Variants in KAZN observed in about 807,000 individuals in gnomAD.
KAZN encodes kazrin, periplakin interacting protein.
Under a neutral mutation model 87.4 loss-of-function variants are expected in KAZN, and 40 were observed. That is an observed-to-expected ratio of 0.46 (90% CI 0.36 to 0.60). KAZN has a LOEUF of 0.60. KAZN is among the 20% of genes least tolerant of loss of function. The probability of loss-of-function intolerance (pLI) is 0.00; values close to 1 mark genes in which losing one functional copy is unlikely to be tolerated. For missense variants in KAZN, 898 were observed against 1,073.9 expected (o/e 0.84, Z 2.29); for synonymous variants, 466 against 458.3 (o/e 1.02, Z -0.22).
At chr1:14,693,644 G>A (rs1346406819) in intron 1 of KAZN, among the ~76,000 whole-genome samples, 2 of 152,194 alleles carry the variant, frequency 1.3e-5, no homozygotes, top group East Asian at 1.9e-4. Flanking sequence ...GGATGAGTGT[G>A]TGTTGTGCGT....
At chr1:14,665,291 CT>C (rs36089759) in intron 1 of KAZN, among the ~76,000 whole-genome samples, 1,546 of 147,742 alleles carry the variant, frequency 0.01, 28 homozygotes, top group African/African-American at 0.035. Flanking sequence ...GTGGCTGCCT[CT>C]TTTTTTTTTT....
intron 1 of KAZN, among the ~76,000 whole-genome samples, chr1:13,910,570 G>A (rs1639616883): frequency 1.3e-5 from 2 of 151,728 alleles, no homozygotes; most frequent in Non-Finnish European, 2.9e-5. Flanking sequence ...TAAAGTTCCT[G>A]GCTCCCCATT....
intron 1 of KAZN, among the ~76,000 whole-genome samples, chr1:14,764,284 C>G (rs1430573194): frequency 6.6e-6 from 1 of 151,906 alleles, no homozygotes; most frequent in Non-Finnish European, 1.5e-5. Context: ...TGAATCCTTA[C>G]TTCTTCAGGT....
intron 1 of KAZN, among the ~76,000 whole-genome samples, chr1:14,882,269 A>G (rs957660694): frequency 3.2e-4 from 49 of 152,346 alleles, no homozygotes; most frequent in Non-Finnish European, 1.5e-5. Flanking sequence ...GATTCCAAAC[A>G]AACTTTTTTC....
chr1:13,896,639 A>G (rs562537323), intron 1 of KAZN, among the ~76,000 whole-genome samples: 1 of 152,314 alleles, frequency 6.6e-6, no homozygotes, highest in South Asian at 2.1e-4. Context: ...CAAAGGAAAT[A>G]CACAGGGGTT....
At chr1:14,855,682 G>C (rs1289428271) in intron 1 of KAZN, among the ~76,000 whole-genome samples, 3 of 152,174 alleles carry the variant, frequency 2.0e-5, no homozygotes, top group Non-Finnish European at 4.4e-5. Context: ...AGCTCATATT[G>C]AACTGCTCCT....
intron 2 of KAZN, among the ~76,000 whole-genome samples, chr1:14,488,120 T>A (rs1225603237): frequency 6.6e-6 from 1 of 152,084 alleles, no homozygotes; most frequent in Non-Finnish European, 1.5e-5. Flanking sequence ...CATAGATGAG[T>A]CTTTGCAGAA....
intron 1 of KAZN, among the ~76,000 whole-genome samples, chr1:14,072,100 G>A (rs1014051730): frequency 4.6e-5 from 7 of 152,162 alleles, no homozygotes; most frequent in Non-Finnish European, 8.8e-5. Flanking sequence ...TCATGCCTCT[G>A]TATCCTCACC....
Position 14,735,326 on chromosome 1 carries a change from C to G in KAZN, c.226+136103C>G, listed in dbSNP as rs1251296714. Among the ~76,000 whole-genome samples the G allele has an allele frequency of 6.6e-6, 1 of 152,224 alleles. No individual in the cohort carries two copies. The highest frequency in any genetic ancestry group is 2.4e-5 in the African/African-American group (1 of 41,458). On this transcript the variant is annotated intron_variant, in intron 1 of 14. Coordinates refer to ENST00000376030, the MANE Select transcript of KAZN (RefSeq NM_201628.3). The surrounding 1 kb of genome is among the most constrained non-coding windows in gnomAD (Gnocchi z 4.3). ...CCGCCCGCCTCGGCCTCCCAAAGTGCTGGGATTACAGGCGTGAGCCACCGC... is the reference window on the plus strand; with the variant it reads ...CCGCCCGCCTCGGCCTCCCAAAGTGGTGGGATTACAGGCGTGAGCCACCGC...
intron 1 of KAZN, among the ~76,000 whole-genome samples, chr1:14,713,706 G>A (rs1374905132): frequency 6.9e-6 from 1 of 145,370 alleles, no homozygotes; most frequent in South Asian, 2.2e-4. Context: ...TTGGGAGGCC[G>A]AGATAGGAGG....
intron 1 of KAZN, among the ~76,000 whole-genome samples, chr1:14,915,506 C>T (rs1178570207): frequency 6.6e-6 from 1 of 152,156 alleles, no homozygotes; most frequent in African/African-American, 2.4e-5. Context: ...AAGGGTCCCA[C>T]TTGGGGAAGA....
intron 1 of KAZN, among the ~76,000 whole-genome samples, chr1:14,673,715 C>T (rs970947262): frequency 6.6e-6 from 1 of 152,178 alleles, no homozygotes; most frequent in Non-Finnish European, 1.5e-5. Context: ...CAGGAATTGA[C>T]GTAGTTTAAC....
intron 1 of KAZN, among the ~76,000 whole-genome samples, chr1:14,063,571 A>G (rs966422347): frequency 6.6e-6 from 1 of 152,158 alleles, no homozygotes. Flanking sequence ...TCAACTCTAC[A>G]GAGTTGAAAT....
chr1:14,335,034 A>G (rs1442460667), intron 2 of KAZN, among the ~76,000 whole-genome samples: 1 of 151,840 alleles, frequency 6.6e-6, no homozygotes, highest in Admixed American at 6.6e-5. Context: ...TTGAAACGTG[A>G]TCCCCAGTGT....
intron 1 of KAZN, among the ~76,000 whole-genome samples, chr1:13,943,960 A>G (rs1641036782): frequency 6.6e-6 from 1 of 152,218 alleles, no homozygotes; most frequent in South Asian, 2.1e-4. Flanking sequence ...ATCATTTTGG[A>G]AAAGTTTGGC....
chr1:14,384,298 A>G (rs563786662), intron 2 of KAZN, among the ~76,000 whole-genome samples: 2 of 151,962 alleles, frequency 1.3e-5, no homozygotes, highest in East Asian at 3.9e-4. Flanking sequence ...CTAATTGAAT[A>G]CCCTTTATTT....
intron 1 of KAZN, among the ~76,000 whole-genome samples, chr1:14,075,030 A>G (rs1022734537): frequency 1.3e-5 from 2 of 152,182 alleles, no homozygotes; most frequent in African/African-American, 4.8e-5. Flanking sequence ...TTATTTGAGA[A>G]GAGTTTCCTT....
At chr1:14,557,378 C>T (rs905016127) in intron 2 of KAZN, among the ~76,000 whole-genome samples, 15 of 151,992 alleles carry the variant, frequency 9.9e-5, no homozygotes, top group Admixed American at 2.0e-4. Flanking sequence ...TCTTTGCAGT[C>T]CCTGGACTAA....
chr1:14,150,965 T>TACAC lies in KAZN; in HGVS notation c.92-29457_92-29454dup, dbSNP rs34298965. Among the ~76,000 whole-genome samples the TACAC allele has an allele frequency of 5.8e-4, 88 of 151,112 alleles. 1 individual carries two copies. The highest frequency in any genetic ancestry group is 5.8e-4 in the East Asian group (3 of 5,152). ...GAGATAAACCCTGCTAACATTGTCA[T>TACAC]ACACACACACACACACGTGTGGGTG... On this transcript the variant is annotated intron_variant, in intron 1 of 16. Transcript: ENST00000636203.
Sources: allele counts gnomAD v4.1 joint callset (sites outside exome capture counted in the v4.1 genomes callset), GRCh38; gene constraint gnomAD v4.1.1; non-coding constraint Gnocchi (gnomAD v3.1); transcripts MANE v1.5; gene names NCBI Gene and HGNC (gene_info 2026-07-23, HGNC 2026-07-21).